BCL2: variants seen among roughly 807,000 people sequenced by gnomAD.
BCL2 encodes the protein apoptosis regulator Bcl-2.
In BCL2, 1 loss-of-function variant was observed where a neutral mutation model predicts 14.2. The ratio of observed to expected loss-of-function variants is 0.07; its 90% CI spans 0.02 to 0.33. BCL2 has a LOEUF of 0.33. Ranked by LOEUF, BCL2 falls within the 10% of genes least tolerant of loss-of-function variation. BCL2 has a pLI of 0.99. For missense variants in BCL2, 247 were observed against 305.9 expected (o/e 0.81, Z 1.44); for synonymous variants, 151 against 137.2 (o/e 1.10, Z -0.70).
chr18:63,221,100 T>C (rs915327845), intron 2 of BCL2, among the ~76,000 whole-genome samples: 2 of 152,184 alleles, frequency 1.3e-5, no homozygotes, highest in African/African-American at 4.8e-5. Flanking sequence ...AAGTGACCAC[T>C]CTTTGAGGTC....
Position 63,124,574 on chromosome 18 carries a change from A to G in BCL2, c.*4051T>C. 4.3e-6 allele frequency: 1 copy of G among 232,220 alleles called. No homozygotes were observed. The highest frequency in any genetic ancestry group is 8.5e-6 in the Non-Finnish European group (1 of 117,186). 14.4% of individuals were successfully genotyped at this position (232,220 alleles called of 1,614,324 possible). A position where few individuals can be genotyped will look rare whatever the true frequency, so the allele number is the denominator to read the frequency against. ...CCAACTCCCTGATCCAAACTTGGGA[A>G]TGTTTTACATTTAAAAATTCTTCCT... On this transcript the variant is annotated 3_prime_UTR_variant, in exon 3 of 3. Coordinates refer to ENST00000333681, the MANE Select transcript of BCL2 (RefSeq NM_000633.3).
intron 2 of BCL2, among the ~76,000 whole-genome samples, chr18:63,144,089 TGA>T (rs888371267): frequency 2.6e-5 from 4 of 152,224 alleles, no homozygotes; most frequent in Admixed American, 2.6e-4. Context: ...CTATTTCCAC[TGA>T]GGAAACCCCT....
At chr18:63,289,201 G>A (rs184093723) in intron 2 of BCL2, among the ~76,000 whole-genome samples, 381 of 152,046 alleles carry the variant, frequency 2.5e-3, no homozygotes, top group Non-Finnish European at 3.9e-3. Flanking sequence ...AGAGGAAGAA[G>A]GAAAAGTATA....
rs56055761 is a variant in BCL2, at chr18:63,184,807, C to T, written c.586-56048G>A. ...ACTCTTAGTCTTCCCCTGATGACATCCGAGTAAGTTGTTGAAAGTCTTTCT... is the reference window on the plus strand; with the variant it reads ...ACTCTTAGTCTTCCCCTGATGACATTCGAGTAAGTTGTTGAAAGTCTTTCT... On this transcript the variant is annotated intron_variant, in intron 2 of 2. Transcript: ENST00000333681. Among the ~76,000 whole-genome samples the T allele has an allele frequency of 4.1e-3, 632 of 152,324 alleles. 3 individuals are homozygous for T. Among genetic ancestry groups the T allele is most frequent in the Non-Finnish European group, 6.6e-3 (451 of 68,022 alleles).
At chr18:63,317,608 T>G (rs1481284196) in intron 2 of BCL2, 17 of 999,304 alleles carry the variant, frequency 1.7e-5, no homozygotes, top group African/African-American at 8.6e-5. Context: ...TCTAATCGGG[T>G]TGTTCTCCAA....
rs569416537 is a variant in BCL2, at chr18:63,291,031, GA to G, written c.585+27050del. Among the ~76,000 whole-genome samples, 246 of 152,072 alleles carry G rather than the reference GA, an allele frequency of 1.6e-3. 1 individual carries two copies. The highest frequency in any genetic ancestry group is 5.6e-3 in the African/African-American group (233 of 41,460). On this transcript the variant is annotated intron_variant, in intron 2 of 2. Coordinates refer to ENST00000333681, the MANE Select transcript of BCL2 (RefSeq NM_000633.3). ...GAACAAACCTTCCTACCTTAGCATGGAACAAAAGCCTGACTTCAACACCCGG... is the reference window on the plus strand; with the variant it reads ...GAACAAACCTTCCTACCTTAGCATGGACAAAAGCCTGACTTCAACACCCGG...
In BCL2 at chr18:63,128,725, C is replaced by T. The variant is rs369294037; in HGVS notation, c.620G>A (p.Arg207Gln). The T allele has an allele frequency of 2.6e-5, 20 of 780,700 alleles. No individual in the cohort carries two copies. The highest frequency in any genetic ancestry group is 4.0e-5 in the South Asian group (3 of 74,604). The allele number at this position is 780,700 out of a possible 1,614,324, so 48.4% of individuals were successfully genotyped here. A position where few individuals can be genotyped will look rare whatever the true frequency, so the allele number is the denominator to read the frequency against. The change falls in exon 3 of 3, where the codon CGG becomes CAG. Residue 207 changes from arginine (R) to glutamine (Q), a missense_variant. Around this residue, in one of 3 missense-constraint regions of BCL2, gnomAD observed 36 missense variants for 24.9 expected, o/e 1.45. Coordinates refer to ENST00000333681, the MANE Select transcript of BCL2 (RefSeq NM_000633.3). The stretch of plus-strand genomic sequence containing the variant: ...CAGCCAGGAGAAATCAAACAGAGGC[C>T]GCATGCTGGGGCCGTACAGTTCCAC... ...AFVELYGPSM[R>Q]PLFDFSWLSL...
intron 2 of BCL2, among the ~76,000 whole-genome samples, chr18:63,189,189 T>TAAAAAAA (rs34498028): frequency 7.4e-6 from 1 of 135,366 alleles, no homozygotes; most frequent in East Asian, 2.1e-4. Context: ...TAACAGCATA[T>TAAAAAAA]AAAAAAAAAA....
chr18:63,279,351 T>C (rs1414116445), intron 2 of BCL2, among the ~76,000 whole-genome samples: 2 of 152,072 alleles, frequency 1.3e-5, no homozygotes, highest in African/African-American at 4.8e-5. Context: ...TCATAAGAAA[T>C]AGAAAACAGT....
intron 2 of BCL2, among the ~76,000 whole-genome samples, chr18:63,270,191 C>A (rs1333457932): frequency 2.0e-5 from 3 of 152,090 alleles, no homozygotes; most frequent in Non-Finnish European, 4.4e-5. Flanking sequence ...TTGACAAAAT[C>A]AATCGAAATG....
intron 2 of BCL2, among the ~76,000 whole-genome samples, chr18:63,213,547 A>AACACACAC (rs57058660): frequency 0.013 from 1,880 of 146,324 alleles, 17 homozygotes; most frequent in Non-Finnish European, 0.016. Flanking sequence ...CACACACATA[A>AACACACAC]ACACACACAC....
chr18:63,245,916 T>G (rs1408699923), intron 2 of BCL2, among the ~76,000 whole-genome samples: 1 of 152,218 alleles, frequency 6.6e-6, no homozygotes, highest in Non-Finnish European at 1.5e-5. Flanking sequence ...AAACTGCTTC[T>G]TTCTTCTACT....
At chr18:63,141,061 G>A (rs551102897) in intron 2 of BCL2, among the ~76,000 whole-genome samples, 7 of 152,068 alleles carry the variant, frequency 4.6e-5, no homozygotes, top group Middle Eastern at 3.4e-3. Flanking sequence ...GGATGCATGA[G>A]CAGCAATCGG....
At chr18:63,210,652 A>T (rs536683106) in intron 2 of BCL2, among the ~76,000 whole-genome samples, 2 of 152,248 alleles carry the variant, frequency 1.3e-5, no homozygotes, top group Non-Finnish European at 2.9e-5. Flanking sequence ...ATAATATTTT[A>T]TCTGAGTTTC....
At chr18:63,143,858 T>A (rs770962904) in intron 2 of BCL2, among the ~76,000 whole-genome samples, 30 of 152,264 alleles carry the variant, frequency 2.0e-4, no homozygotes, top group African/African-American at 4.3e-4. Context: ...CCGCCTGAGT[T>A]GCACACAGCA....
At chr18:63,177,567 C>T (rs1354974261) in intron 2 of BCL2, among the ~76,000 whole-genome samples, 1 of 152,188 alleles carries the variant, frequency 6.6e-6, no homozygotes, top group Admixed American at 6.5e-5. Flanking sequence ...GTCCCTGGCG[C>T]GTTTAGACAA....
intron 2 of BCL2, among the ~76,000 whole-genome samples, chr18:63,260,689 A>G (rs1338459691): frequency 7.0e-6 from 1 of 143,380 alleles, no homozygotes; most frequent in Non-Finnish European, 1.6e-5. Flanking sequence ...TATCTAGCCA[A>G]TTGATTTTAA....
At chr18:63,232,617 C>T (rs918933457) in intron 2 of BCL2, among the ~76,000 whole-genome samples, 5 of 152,184 alleles carry the variant, frequency 3.3e-5, no homozygotes, top group African/African-American at 1.2e-4. Context: ...ATCAGATTAG[C>T]AAATTTTAAA....
At chr18:63,241,857 G>A (rs954549901) in intron 2 of BCL2, among the ~76,000 whole-genome samples, 13 of 152,152 alleles carry the variant, frequency 8.5e-5, no homozygotes, top group Admixed American at 6.5e-5. Context: ...GTCACCTTTC[G>A]TAAAAAATAC....
Sources: gnomAD v4.1 joint callset for allele counts (sites outside exome capture counted in the v4.1 genomes callset) on GRCh38, gnomAD v4.1.1 for gene constraint, gnomAD v4.1.1 regional missense constraint, MANE v1.5 for transcripts, NCBI Gene and HGNC (gene_info 2026-07-23, HGNC 2026-07-21) for gene names.